RHOA: variants seen among roughly 807,000 people sequenced by gnomAD.
RHOA encodes ras homolog family member A.
A neutral mutation model predicts 17.5 loss-of-function variants in RHOA; 3 were observed. That is an observed-to-expected ratio of 0.17 (90% CI 0.08 to 0.44). The LOEUF (loss-of-function observed/expected upper bound fraction) is 0.44, where lower values mean the gene tolerates loss of function less well. Among genes scored for constraint, RHOA ranks in the 20% least tolerant of loss-of-function variants. The pLI is 0.99. For missense variants in RHOA, 56 were observed against 242.3 expected (o/e 0.23, Z 5.10); for synonymous variants, 98 against 88.4 (o/e 1.11, Z -0.61).
In RHOA at chr3:49,359,563, A is replaced by C. The variant is rs2047924592; in HGVS notation, c.*646T>G. ...TTAAAAAACCAATACACTTTCTTTG[A>C]GGATGACAGTATTAGGAAATCCAAT... On this transcript the variant is annotated 3_prime_UTR_variant, in exon 5 of 5. Coordinates refer to ENST00000418115, the MANE Select transcript of RHOA (RefSeq NM_001664.4). 4.9e-6 allele frequency: 1 copy of C among 204,978 alleles called. No homozygotes were observed. The highest frequency in any genetic ancestry group is 1.0e-5 in the Non-Finnish European group (1 of 100,062). The allele number at this position is 204,978 out of a possible 1,614,324, so 12.7% of individuals were successfully genotyped here.
intron 3 of RHOA, 39 bp downstream of exon 3, chr3:49,368,389 C>A (rs2048093414): frequency 3.1e-6 from 5 of 1,595,930 alleles, no homozygotes; most frequent in Non-Finnish European, 4.3e-6. Flanking sequence ...CAACTAGCTA[C>A]ACAGGCAGTG....
intron 1 of RHOA, among the ~76,000 whole-genome samples, chr3:49,410,114 C>G (rs1026681262): frequency 6.6e-6 from 1 of 152,168 alleles, no homozygotes; most frequent in Non-Finnish European, 1.5e-5. Flanking sequence ...TTCTCCCAAA[C>G]TATTCACCAT....
chr3:49,402,795 T>C (rs1474317061), intron 1 of RHOA, among the ~76,000 whole-genome samples: 1 of 151,928 alleles, frequency 6.6e-6, no homozygotes, highest in Admixed American at 6.6e-5. Flanking sequence ...TCCAGCACTT[T>C]GGGAGACCGA....
At chr3:49,368,619 T>A in intron 2 of RHOA, 71 bp from the exon 3 acceptor site, 1 of 1,540,408 alleles carries the variant, frequency 6.5e-7, no homozygotes, top group Non-Finnish European at 9.0e-7. Context: ...AAGTGACACT[T>A]ACCATAGTAC....
At chr3:49,395,505 G>T (rs2048600575) in intron 1 of RHOA, among the ~76,000 whole-genome samples, 1 of 152,068 alleles carries the variant, frequency 6.6e-6, no homozygotes, top group South Asian at 2.1e-4. Flanking sequence ...CTGAGGTCAG[G>T]AGTTCAAGAC....
chr3:49,402,909 T>C (rs1575285640), intron 1 of RHOA, among the ~76,000 whole-genome samples: 1 of 151,150 alleles, frequency 6.6e-6, no homozygotes, highest in South Asian at 2.1e-4. Flanking sequence ...TGGTGGCGGG[T>C]GCCTGTAGTT....
At chr3:49,393,006 G>A (rs371373073) in intron 1 of RHOA, among the ~76,000 whole-genome samples, 35 of 151,946 alleles carry the variant, frequency 2.3e-4, no homozygotes, top group African/African-American at 6.0e-4. Context: ...GTCAAACCCC[G>A]TCTCTACTAA....
intron 1 of RHOA, among the ~76,000 whole-genome samples, chr3:49,401,974 A>G (rs2048730668): frequency 2.0e-5 from 3 of 152,300 alleles, no homozygotes; most frequent in Admixed American, 2.0e-4. Context: ...TTTCTGTAGC[A>G]GTAAGGGCAC....
At chr3:49,404,793 C>T (rs185080173) in intron 1 of RHOA, among the ~76,000 whole-genome samples, 3 of 149,900 alleles carry the variant, frequency 2.0e-5, no homozygotes, top group Admixed American at 6.7e-5. Context: ...AAAAAATTAG[C>T]CAGGCGTGGC....
intron 1 of RHOA, among the ~76,000 whole-genome samples, chr3:49,409,053 G>T (rs2048888439): frequency 6.6e-6 from 1 of 151,504 alleles, no homozygotes. Flanking sequence ...CTCCCAAAGT[G>T]CTGGGATTAC....
intron 1 of RHOA, among the ~76,000 whole-genome samples, chr3:49,399,507 C>T (rs2048684631): frequency 1.3e-5 from 2 of 151,780 alleles, no homozygotes; most frequent in African/African-American, 4.8e-5. Context: ...CAGGGCTTGA[C>T]AGAGGTGTAC....
chr3:49,385,605 A>G (rs2048384310), intron 1 of RHOA, among the ~76,000 whole-genome samples: 1 of 152,082 alleles, frequency 6.6e-6, no homozygotes, highest in Admixed American at 6.6e-5. Flanking sequence ...TTGAAGTCAA[A>G]TTTATCTATT....
At chr3:49,395,709 T>C (rs1034116196) in intron 1 of RHOA, among the ~76,000 whole-genome samples, 1 of 151,048 alleles carries the variant, frequency 6.6e-6, no homozygotes, top group African/African-American at 2.4e-5. Context: ...CGAGACTCTG[T>C]CTCCAAAAAA....
At chr3:49,394,062 G>C (rs901292828) in intron 1 of RHOA, among the ~76,000 whole-genome samples, 6 of 151,970 alleles carry the variant, frequency 3.9e-5, no homozygotes, top group Admixed American at 3.9e-4. Context: ...ATTAGAGACA[G>C]GGTTTCACCG....
chr3:49,395,360 A>G lies in RHOA; in HGVS notation c.-3+16460T>C, dbSNP rs1294959704. On this transcript the variant is annotated intron_variant, in intron 1 of 4. Coordinates refer to ENST00000418115, the MANE Select transcript of RHOA (RefSeq NM_001664.4). Reference sequence around the variant, plus strand: ...TGTCATGCAGAGCAATCTGCATTCTATTCTGTAAGGAAGGGAAAGCCACTG... The same window carrying G: ...TGTCATGCAGAGCAATCTGCATTCTGTTCTGTAAGGAAGGGAAAGCCACTG... 3.3e-5 allele frequency among the ~76,000 whole-genome samples: 5 copies of G among 152,148 alleles called. 1 individual carries two copies. Among genetic ancestry groups the G allele is most frequent in the African/African-American group, 1.2e-4 (5 of 41,448 alleles).
At chr3:49,364,440 G>A (rs2048021898) in intron 3 of RHOA, among the ~76,000 whole-genome samples, 2 of 151,952 alleles carry the variant, frequency 1.3e-5, no homozygotes, top group South Asian at 4.1e-4. Flanking sequence ...AGCCGAGATC[G>A]TGCCATTGCA....
chr3:49,393,304 C>T (rs1417902090), intron 1 of RHOA, among the ~76,000 whole-genome samples: 1 of 152,022 alleles, frequency 6.6e-6, no homozygotes, highest in African/African-American at 2.4e-5. Flanking sequence ...GGCCCAGTGG[C>T]CTTGTGTCAA....
At chr3:49,362,447 G>C (rs1466185677) in intron 4 of RHOA, 49 bp downstream of exon 4, 1 of 1,518,978 alleles carries the variant, frequency 6.6e-7, no homozygotes, top group Admixed American at 2.1e-5. Flanking sequence ...CTCCAAACTT[G>C]GGGCCCTAGT....
chr3:49,396,993 G>A (rs1008776516), intron 1 of RHOA, among the ~76,000 whole-genome samples: 3 of 151,834 alleles, frequency 2.0e-5, no homozygotes, highest in Admixed American at 6.6e-5. Flanking sequence ...ACCCAGGCGT[G>A]GTAGCATATA....
Sources: gnomAD v4.1 joint callset for allele counts (sites outside exome capture counted in the v4.1 genomes callset) on GRCh38, gnomAD v4.1.1 for gene constraint, MANE v1.5 for transcripts, NCBI Gene and HGNC (gene_info 2026-07-23, HGNC 2026-07-21) for gene names.